The following PPEF2 variants were observed in gnomAD, a reference collection of about 807,000 sequenced individuals.
PPEF2 encodes serine/threonine-protein phosphatase with EF-hands 2.
A neutral mutation model predicts 84.7 loss-of-function variants in PPEF2; 84 were observed. The ratio of observed to expected loss-of-function variants is 0.99; its 90% CI spans 0.83 to 1.19. The LOEUF is 1.19. Among genes scored for constraint, PPEF2 ranks in the 50% most tolerant of loss-of-function variants. The probability of loss-of-function intolerance (pLI) is 0.00; values close to 1 mark genes in which losing one functional copy is unlikely to be tolerated. For synonymous variants in PPEF2, 346 were observed against 345.2 expected, an observed-to-expected ratio of 1.00 and a Z score of -0.03; for missense variants, 924 against 937.5, an observed-to-expected ratio of 0.99 and a Z score of 0.19.
Position 75,886,881 on chromosome 4 carries a change from A to G in PPEF2, c.550T>C (p.Leu184=), listed in dbSNP as rs751877776. 8 of 1,494,762 alleles carry G rather than the reference A, an allele frequency of 5.4e-6. 1 individual carries two copies. Among genetic ancestry groups the G allele is most frequent in the South Asian group, 4.9e-5 (4 of 81,974 alleles). The allele number at this position is 1,494,762 out of a possible 1,614,324, so 92.6% of individuals were successfully genotyped here. A position where few individuals can be genotyped will look rare whatever the true frequency, so the allele number is the denominator to read the frequency against. ...TAAAATATAAAGATTAAGTCATCCA[A>G]TTGGCCATGTAAGTCTCCTAACAAA... ...ITVCGDLHGQ[L]DDLIFIFYKN... Residue 184 remains leucine (L), a synonymous_variant, in exon 7 of 17, where the codon TTG becomes CTG. Transcript: ENST00000286719.
rs557010524 is a variant in PPEF2 at position 75,892,116 on chromosome 4, C to T, written c.56-138G>A. The T allele has an allele frequency of 5.7e-5, 64 of 1,132,232 alleles. 1 individual carries two copies. The highest frequency in any genetic ancestry group is 4.7e-4 in the South Asian group (29 of 62,112). The allele number at this position is 1,132,232 out of a possible 1,614,324, so 70.1% of individuals were successfully genotyped here. A position where few individuals can be genotyped will look rare whatever the true frequency, so the allele number is the denominator to read the frequency against. On this transcript the variant is annotated intron_variant, in intron 2 of 16. Transcript: ENST00000286719. Reference sequence around the variant, plus strand: ...ATGGAGCAGAAGCACTACCCATTGACGCCCATAGGAAGTATTTCCCTTTCT... The same window carrying T: ...ATGGAGCAGAAGCACTACCCATTGATGCCCATAGGAAGTATTTCCCTTTCT...
At chr4:75,890,754 G>A (rs1724857893) in intron 4 of PPEF2, among the ~76,000 whole-genome samples, 1 of 152,218 alleles carries the variant, frequency 6.6e-6, no homozygotes, top group Admixed American at 6.5e-5. Context: ...AGGTATTTAT[G>A]TTGCATTTAG....
chr4:75,867,422 G>A lies in PPEF2; in HGVS notation c.1650-3C>T, dbSNP rs1434785372. On this transcript the variant is annotated splice_region_variant and splice_polypyrimidine_tract_variant and intron_variant, in intron 13 of 16. Coordinates refer to ENST00000286719, the MANE Select transcript of PPEF2 (RefSeq NM_006239.3). ...CCGACTCCTCCACTCTGCTAATCCT[G>A]GGACAGGAGATGAAAAGCGACATTT... is the stretch of plus-strand genomic sequence containing the variant. 2 of 1,606,534 alleles carry A rather than the reference G, an allele frequency of 1.2e-6. No homozygotes were observed. Among genetic ancestry groups the A allele is most frequent in the African/African-American group, 2.7e-5 (2 of 74,404 alleles).
intron 5 of PPEF2, 41 bp downstream of exon 5, chr4:75,889,916 C>T: frequency 6.2e-7 from 1 of 1,602,358 alleles, no homozygotes; most frequent in Non-Finnish European, 8.5e-7. Flanking sequence ...TCACACATTT[C>T]ATGGAGTTGG....
intron 1 of PPEF2, among the ~76,000 whole-genome samples, chr4:75,898,284 G>T (rs1311598180): frequency 6.6e-6 from 1 of 152,238 alleles, no homozygotes; most frequent in East Asian, 1.9e-4. Flanking sequence ...TTTATGGCCA[G>T]TTTTGGGGCC....
chr4:75,864,049 T>C (rs1724071136), intron 16 of PPEF2, among the ~76,000 whole-genome samples: 1 of 152,010 alleles, frequency 6.6e-6, no homozygotes, highest in South Asian at 2.1e-4. Context: ...ATTTTTGTGT[T>C]TTTAGTAGAG....
intron 11 of PPEF2, among the ~76,000 whole-genome samples, chr4:75,874,228 G>T (rs1378671550): frequency 6.6e-6 from 1 of 151,916 alleles, no homozygotes; most frequent in Non-Finnish European, 1.5e-5. Flanking sequence ...AACAATAACT[G>T]CCAGTCATAC....
intron 15 of PPEF2, among the ~76,000 whole-genome samples, chr4:75,865,039 C>A (rs1028508782): frequency 1.3e-5 from 2 of 152,090 alleles, no homozygotes; most frequent in East Asian, 1.9e-4. Flanking sequence ...CGGGTTCAAG[C>A]GATTCTCCTG....
chr4:75,901,094 T>C (rs1725111542), intron 1 of PPEF2, among the ~76,000 whole-genome samples: 1 of 152,244 alleles, frequency 6.6e-6, no homozygotes, highest in Non-Finnish European at 1.5e-5. Context: ...CAATAAATGA[T>C]ATTTTTCTAA....
chr4:75,884,647 G>A lies in PPEF2; in HGVS notation c.693C>T (p.Pro231=), dbSNP rs751026397. ...MILFAFMLVY[P]KEFHLNRGNH... Reference sequence around the variant, plus strand: ...TTCCTCTGTTAAGATGGAACTCTTTGGGGTAAACCAGCATGAAGGCAAAAA... The same window carrying A: ...TTCCTCTGTTAAGATGGAACTCTTTAGGGTAAACCAGCATGAAGGCAAAAA... The change falls in exon 8 of 17, where the codon CCC becomes CCT. Residue 231 remains proline (P), a synonymous_variant. Transcript: ENST00000286719. The A allele has an allele frequency of 1.9e-6, 3 of 1,613,448 alleles. No individual in the cohort carries two copies. The highest frequency in any genetic ancestry group is 2.5e-6 in the Non-Finnish European group (3 of 1,179,794).
chr4:75,882,975 A>T lies in PPEF2; in HGVS notation c.884T>A (p.Val295Glu), dbSNP rs1560484772. The T allele has an allele frequency of 2.5e-6, 4 of 1,614,172 alleles. No homozygotes were observed. Among genetic ancestry groups the T allele is most frequent in the Non-Finnish European group, 3.4e-6 (4 of 1,180,038 alleles). Residue 295 changes from valine (V) to glutamate (E), a missense_variant, in exon 10 of 17, where the codon GTG becomes GAG. Val to Glu is a moderately radical substitution (Grantham distance 121). Transcript: ENST00000286719. ...AAGCTCCAGATCAGTTATGTCTGAC[A>T]CCCCACCATGAAGAATTAGAACTTT... is the stretch of plus-strand genomic sequence containing the variant. ...DEKVLILHGGVSDITDLELLD... is the reference protein window; with the variant it reads ...DEKVLILHGGESDITDLELLD...
intron 13 of PPEF2, 93 bp from the exon 14 acceptor site, chr4:75,867,512 A>AT: frequency 1.1e-6 from 1 of 938,598 alleles, no homozygotes. Context: ...CTTTCTTAAC[A>AT]TATCAGTCTC....
At chr4:75,893,728 C>T (rs576246447) in intron 2 of PPEF2, among the ~76,000 whole-genome samples, 4 of 152,346 alleles carry the variant, frequency 2.6e-5, no homozygotes, top group African/African-American at 9.6e-5. Flanking sequence ...AGATCATGGA[C>T]ATCAATGTTG....
intron 1 of PPEF2, among the ~76,000 whole-genome samples, chr4:75,901,520 C>CAA (rs72095152): frequency 2.2e-5 from 3 of 133,404 alleles, no homozygotes; most frequent in African/African-American, 8.6e-5. Context: ...GACTCCACCT[C>CAA]AAAAAAAAAA....
intron 16 of PPEF2, among the ~76,000 whole-genome samples, chr4:75,864,092 C>T (rs1724071972): frequency 6.6e-6 from 1 of 152,016 alleles, no homozygotes; most frequent in Admixed American, 6.6e-5. Context: ...AGACTGGTCT[C>T]GAACTCCTGA....
intron 10 of PPEF2, among the ~76,000 whole-genome samples, chr4:75,881,102 A>ATTTTT (rs33943154): frequency 1.4e-5 from 2 of 138,104 alleles, no homozygotes; most frequent in African/African-American, 2.7e-5. Context: ...ATCCAGCATA[A>ATTTTT]TTTTTTTTTT....
chr4:75,889,781 C>A (rs1310601550), intron 5 of PPEF2, among the ~76,000 whole-genome samples, 176 bp downstream of exon 5: 1 of 152,194 alleles, frequency 6.6e-6, no homozygotes, highest in East Asian at 1.9e-4. Flanking sequence ...TGTCAATCAT[C>A]AGAACTGGCT....
intron 13 of PPEF2, among the ~76,000 whole-genome samples, chr4:75,870,052 A>G (rs1035730101): frequency 2.6e-5 from 4 of 152,188 alleles, no homozygotes; most frequent in South Asian, 2.1e-4. Flanking sequence ...CAATCAATGA[A>G]GGTTTCAAAG....
At chr4:75,900,798 A>G (rs1725103112) in intron 1 of PPEF2, among the ~76,000 whole-genome samples, 1 of 152,204 alleles carries the variant, frequency 6.6e-6, no homozygotes. Context: ...ATACATCATG[A>G]TGCTTTAAAA....
Sources: allele counts gnomAD v4.1 joint callset (sites outside exome capture counted in the v4.1 genomes callset), GRCh38; gene constraint gnomAD v4.1.1; transcripts MANE v1.5; gene names NCBI Gene and HGNC (gene_info 2026-07-23, HGNC 2026-07-21).